NEXMIF: variants seen among roughly 807,000 people sequenced by gnomAD.
NEXMIF encodes XLMR protein related to neurite extension.
A neutral mutation model predicts 62.1 loss-of-function variants in NEXMIF; 8 were observed. The observed-to-expected ratio is 0.13, with a 90% confidence interval of 0.08 to 0.23. The LOEUF is 0.23. Ranked by LOEUF, NEXMIF falls within the 10% of genes least tolerant of loss-of-function variation. NEXMIF has a pLI of 1.00. For synonymous variants in NEXMIF, 404 were observed against 416.6 expected (o/e 0.97, Z 0.37); for missense variants, 976 against 1,113.3 (o/e 0.88, Z 1.75).
At chrX:74,802,646 G>A (rs983259673) in intron 1 of NEXMIF, among the ~76,000 whole-genome samples, 6 of 110,230 alleles carry the variant, frequency 5.4e-5, no homozygotes, top group South Asian at 3.9e-4. Context: ...ACTCTTCAAT[G>A]TTCACAGATG....
At chrX:74,923,809 T>A in intron 1 of NEXMIF, among the ~76,000 whole-genome samples, 1 of 112,180 alleles carries the variant, frequency 8.9e-6, no homozygotes, top group Non-Finnish European at 1.9e-5. Context: ...GATAACAGTC[T>A]AGAAAATGCA....
At chrX:74,888,902 C>T (rs760540326) in intron 1 of NEXMIF, among the ~76,000 whole-genome samples, 11 of 110,929 alleles carry the variant, frequency 9.9e-5, no homozygotes, top group South Asian at 3.8e-4. Context: ...AAAATTTGGC[C>T]ATGGAACTGA....
chrX:74,817,026 A>AC (rs973118702), intron 1 of NEXMIF, among the ~76,000 whole-genome samples: 18 of 111,285 alleles, frequency 1.6e-4, no homozygotes, highest in African/African-American at 5.9e-4. Flanking sequence ...TCATCCACTC[A>AC]CCCTATTTTG....
At chrX:74,881,127 T>C (rs1275348287) in intron 1 of NEXMIF, among the ~76,000 whole-genome samples, 2 of 111,062 alleles carry the variant, frequency 1.8e-5, no homozygotes, top group South Asian at 3.8e-4. Context: ...TTGAGGCCTA[T>C]AAAGTTTGGA....
chrX:74,877,572 AT>A (rs752744359), intron 1 of NEXMIF, among the ~76,000 whole-genome samples: 9 of 111,580 alleles, frequency 8.1e-5, no homozygotes, highest in Non-Finnish European at 1.7e-4. Flanking sequence ...CCTGGAGAAT[AT>A]CCTGCAGAGT....
chrX:74,750,460 T>C (rs773714800), intron 1 of NEXMIF, among the ~76,000 whole-genome samples: 1 of 111,981 alleles, frequency 8.9e-6, no homozygotes, highest in East Asian at 2.8e-4. Flanking sequence ...GCTGTCACAC[T>C]GGAAAGAAAG....
In NEXMIF at chrX:74,734,033, G is replaced by A. The variant is rs1190627542; in HGVS notation, c.*5372C>T. On this transcript the variant is annotated 3_prime_UTR_variant, in exon 4 of 4. Coordinates refer to ENST00000055682, the MANE Select transcript of NEXMIF (RefSeq NM_001008537.3). ...ACAAGATTTTGTAGACGTCTTAAGA[G>A]TGATCCTTAAGCTTTAAACTTCAAT... is the stretch of plus-strand genomic sequence containing the variant. 9.0e-6 allele frequency: 1 copy of A among 111,601 alleles called. No individual in the cohort carries two copies. Among genetic ancestry groups the A allele is most frequent in the African/African-American group, 3.3e-5 (1 of 30,651 alleles). 9.2% of individuals were successfully genotyped at this position (111,601 alleles called of 1,213,427 possible). A position where few individuals can be genotyped will look rare whatever the true frequency, so the allele number is the denominator to read the frequency against.
chrX:74,798,102 C>T (rs768248511), intron 1 of NEXMIF, among the ~76,000 whole-genome samples: 25 of 111,898 alleles, frequency 2.2e-4, no homozygotes, highest in Admixed American at 2.1e-3. Flanking sequence ...CCAGTAAACC[C>T]AAGTACCTTC....
At position 74,742,744 on chromosome X, in the gene NEXMIF, G is replaced by C. The variant is rs747472111; in HGVS notation, c.1813C>G (p.Pro605Ala). 12 of 1,209,053 alleles carry C rather than the reference G, an allele frequency of 9.9e-6. No homozygotes were observed. Among genetic ancestry groups the C allele is most frequent in the Non-Finnish European group, 1.2e-5 (11 of 894,919 alleles). The change falls in exon 3 of 4, where the codon CCT becomes GCT. Residue 605 changes from proline to alanine, a missense_variant. Pro to Ala is a conservative substitution (Grantham distance 27, BLOSUM62 -1). This residue lies in a region of NEXMIF where 639 missense variants were observed against 694.5 expected (regional missense o/e 0.92). Coordinates refer to ENST00000055682, the MANE Select transcript of NEXMIF (RefSeq NM_001008537.3). ...RNTNTDSIKTPFSQKQSFEPG... is the reference protein window; with the variant it reads ...RNTNTDSIKTAFSQKQSFEPG... ...TCAAAGCTTTGCTTTTGGGAAAAAG[G>C]TGTCTTGATGGAGTCCGTGTTGGTG...
intron 1 of NEXMIF, among the ~76,000 whole-genome samples, chrX:74,768,959 G>A (rs978012339): frequency 1.8e-5 from 2 of 111,856 alleles, no homozygotes; most frequent in Admixed American, 9.5e-5. Flanking sequence ...GCAACAAGGA[G>A]CATGGTCTTT....
intron 1 of NEXMIF, among the ~76,000 whole-genome samples, chrX:74,832,007 G>T (rs1453698954): frequency 8.9e-6 from 1 of 112,197 alleles, no homozygotes; most frequent in African/African-American, 3.2e-5. Flanking sequence ...GTTGAATTCA[G>T]TTTGCTAGTA....
intron 1 of NEXMIF, among the ~76,000 whole-genome samples, chrX:74,857,430 G>A (rs1252009153): frequency 8.9e-6 from 1 of 111,994 alleles, no homozygotes; most frequent in African/African-American, 3.2e-5. Flanking sequence ...GGTACCCGTT[G>A]CCTTCAAGGG....
chrX:74,843,614 C>T (rs1186981056), intron 1 of NEXMIF, among the ~76,000 whole-genome samples: 1 of 110,865 alleles, frequency 9.0e-6, no homozygotes, highest in Non-Finnish European at 1.9e-5. Flanking sequence ...CAGGGTTTCA[C>T]CATGTTAGGG....
At chrX:74,920,244 A>T (rs1229316859) in intron 1 of NEXMIF, among the ~76,000 whole-genome samples, 1 of 110,649 alleles carries the variant, frequency 9.0e-6, no homozygotes, top group Admixed American at 9.7e-5. Context: ...TCCCAGCAAC[A>T]GTGTAAAAGT....
intron 1 of NEXMIF, among the ~76,000 whole-genome samples, chrX:74,879,816 T>C (rs2798178): frequency 0.082 from 9,131 of 111,920 alleles, 920 homozygotes; most frequent in African/African-American, 0.28. Context: ...TGTTGACATA[T>C]ATAGGTGAAC....
intron 1 of NEXMIF, among the ~76,000 whole-genome samples, chrX:74,806,614 C>A (rs1265791630): frequency 8.9e-6 from 1 of 111,895 alleles, no homozygotes; most frequent in Admixed American, 9.5e-5. Context: ...AAAATAAAAT[C>A]TATTTTTAAA....
rs1160626171 is a variant in NEXMIF, at chrX:74,734,308, C to T, written c.*5097G>A. On this transcript the variant is annotated 3_prime_UTR_variant, in exon 4 of 4. Transcript: ENST00000055682. Reference sequence around the variant, plus strand: ...ACTTACTAAAGAGGTGCATTCAGTTCTATGGAAACTAAGGACTAGTACATT... The same window carrying T: ...ACTTACTAAAGAGGTGCATTCAGTTTTATGGAAACTAAGGACTAGTACATT... The T allele has an allele frequency of 1.8e-5, 2 of 111,830 alleles. No homozygotes were observed. Among genetic ancestry groups the T allele is most frequent in the Non-Finnish European group, 3.8e-5 (2 of 53,052 alleles). 9.2% of individuals were successfully genotyped at this position (111,830 alleles called of 1,213,427 possible). A position where few individuals can be genotyped will look rare whatever the true frequency, so the allele number is the denominator to read the frequency against.
Position 74,742,257 on chromosome X carries a change from G to A in NEXMIF, c.2300C>T (p.Thr767Ile). Residue 767 changes from threonine to isoleucine, a missense_variant, in exon 3 of 4, where the codon ACA becomes ATA. Physicochemically the swap from Thr to Ile is moderately conservative, Grantham distance 89. Coordinates refer to ENST00000055682, the MANE Select transcript of NEXMIF (RefSeq NM_001008537.3). ...TTCAGATAGACGGGAACTGTTTGAT[G>A]TCCCAGGAATAACTTCATTCTTTAA... ...ANLKNEVIPG[T>I]SNSSRLSEFH... 2 of 1,211,506 alleles carry A rather than the reference G, an allele frequency of 1.7e-6. No homozygotes were observed. Among genetic ancestry groups the A allele is most frequent in the East Asian group, 3.0e-5 (1 of 33,841 alleles).
chrX:74,784,612 T>TTATA (rs35688273), intron 1 of NEXMIF, among the ~76,000 whole-genome samples: 29 of 106,563 alleles, frequency 2.7e-4, no homozygotes, highest in Non-Finnish European at 4.1e-4. Flanking sequence ...ATGCAATATT[T>TTATA]TATATATATA....
Sources: allele counts gnomAD v4.1 joint callset (sites outside exome capture counted in the v4.1 genomes callset), GRCh38; gene constraint gnomAD v4.1.1; regional missense constraint gnomAD v4.1.1; transcripts MANE v1.5; gene names NCBI Gene and HGNC (gene_info 2026-07-23, HGNC 2026-07-21).